KLHL1: variants seen among roughly 807,000 people sequenced by gnomAD.
KLHL1 encodes the protein kelch-like protein 1.
KLHL1 carries 47 observed loss-of-function variants against 77.7 expected under a neutral mutation model. That is an observed-to-expected ratio of 0.60 (90% CI 0.48 to 0.77). The LOEUF (loss-of-function observed/expected upper bound fraction) is 0.77, where lower values mean the gene tolerates loss of function less well. Ranked by LOEUF, KLHL1 falls within the 30% of genes least tolerant of loss-of-function variation. The pLI is 0.00. For missense variants in KLHL1, 925 were observed against 910.8 expected (o/e 1.02, Z -0.20); for synonymous variants, 360 against 325.2 (o/e 1.11, Z -1.15).
At chr13:70,103,698 A>G (rs1333297416) in intron 1 of KLHL1, among the ~76,000 whole-genome samples, 2 of 152,194 alleles carry the variant, frequency 1.3e-5, no homozygotes, top group Non-Finnish European at 2.9e-5. Flanking sequence ...GAAAGAAGAT[A>G]TTGACCAATG....
At position 69,723,703 on chromosome 13, in the gene KLHL1, T is replaced by A. The variant is rs939908201; in HGVS notation, c.1803-4122A>T. Among the ~76,000 whole-genome samples, 5 of 152,068 alleles carry A rather than the reference T, an allele frequency of 3.3e-5. 1 individual carries two copies. The South Asian group carries it at 1.0e-3, about 31-fold the overall frequency. On this transcript the variant is annotated intron_variant, in intron 8 of 10. Transcript: ENST00000377844. ...AGACCTTAAGTCTGATATGAAACAT[T>A]TACAATCTATTCTCTCTGAATGCTG...
intron 3 of KLHL1, among the ~76,000 whole-genome samples, chr13:69,945,090 A>T (rs1386599264): frequency 7.3e-6 from 1 of 136,372 alleles, no homozygotes; most frequent in African/African-American, 2.8e-5. Flanking sequence ...GGTTCAAGTG[A>T]TTCTCCTGCC....
At chr13:70,050,639 T>A (rs902104022) in intron 1 of KLHL1, among the ~76,000 whole-genome samples, 1 of 151,966 alleles carries the variant, frequency 6.6e-6, no homozygotes, top group Non-Finnish European at 1.5e-5. Context: ...TGATTACAAT[T>A]TTTTTATATC....
At chr13:69,889,305 G>A (rs1308535722) in intron 4 of KLHL1, among the ~76,000 whole-genome samples, 1 of 151,864 alleles carries the variant, frequency 6.6e-6, no homozygotes, top group African/African-American at 2.4e-5. Flanking sequence ...CACTACCTTA[G>A]AATTTCAAAG....
At chr13:70,026,761 A>G (rs913648589) in intron 1 of KLHL1, among the ~76,000 whole-genome samples, 2 of 151,732 alleles carry the variant, frequency 1.3e-5, no homozygotes, top group African/African-American at 4.8e-5. Flanking sequence ...AGAGAGAGAG[A>G]GACAGAGAGA....
chr13:69,955,939 T>C (rs1333842648), intron 3 of KLHL1, among the ~76,000 whole-genome samples: 2 of 96,598 alleles, frequency 2.1e-5, no homozygotes, highest in African/African-American at 3.2e-5. Context: ...ATATTTGATA[T>C]ATATTTATAT....
chr13:70,075,557 G>GTGTGTA (rs200021897), intron 1 of KLHL1, among the ~76,000 whole-genome samples: 621 of 16,110 alleles, frequency 0.039, 5 homozygotes, highest in East Asian at 0.088. Context: ...ATATACCTGT[G>GTGTGTA]TGTGTGTATG....
intron 5 of KLHL1, among the ~76,000 whole-genome samples, chr13:69,856,344 CACAA>C (rs1879920007): frequency 1.3e-5 from 2 of 152,036 alleles, no homozygotes; most frequent in South Asian, 4.1e-4. Context: ...CTCTTCATGT[CACAA>C]TGTGGTAATT....
At chr13:69,934,962 G>GTATATATATATATATATATATATATATA (rs67195697) in intron 4 of KLHL1, among the ~76,000 whole-genome samples, 10 of 129,794 alleles carry the variant, frequency 7.7e-5, no homozygotes, top group South Asian at 7.6e-4. Context: ...GTGTGCATGT[G>GTATATATATATATATATATATATATATA]TATATATATA....
At chr13:70,035,750 A>T (rs924108281) in intron 1 of KLHL1, among the ~76,000 whole-genome samples, 3 of 152,006 alleles carry the variant, frequency 2.0e-5, no homozygotes, top group Non-Finnish European at 4.4e-5. Flanking sequence ...CTTTTATGTT[A>T]ACTTTTCATT....
chr13:70,079,963 C>T (rs1887354841), intron 1 of KLHL1, among the ~76,000 whole-genome samples: 1 of 152,184 alleles, frequency 6.6e-6, no homozygotes, highest in East Asian at 1.9e-4. Flanking sequence ...TGCAGGTTCA[C>T]ACCAGGATGT....
chr13:69,760,547 G>T (rs1012862982), intron 7 of KLHL1, among the ~76,000 whole-genome samples: 1 of 151,802 alleles, frequency 6.6e-6, no homozygotes, highest in Non-Finnish European at 1.5e-5. Context: ...TAGAGACAGG[G>T]TTTCATCATA....
intron 5 of KLHL1, among the ~76,000 whole-genome samples, chr13:69,848,131 G>C (rs1190027808): frequency 2.0e-5 from 3 of 151,314 alleles, no homozygotes; most frequent in Non-Finnish European, 4.4e-5. Context: ...AACTGTACAA[G>C]CGAAAACAGA....
At chr13:70,080,579 C>A (rs190419970) in intron 1 of KLHL1, among the ~76,000 whole-genome samples, 1 of 151,960 alleles carries the variant, frequency 6.6e-6, no homozygotes, top group East Asian at 1.9e-4. Flanking sequence ...TATCATTTTA[C>A]TCTATTTATT....
intron 4 of KLHL1, among the ~76,000 whole-genome samples, chr13:69,907,545 T>C (rs1882083202): frequency 6.6e-6 from 1 of 152,068 alleles, no homozygotes; most frequent in African/African-American, 2.4e-5. Flanking sequence ...CTTCGCTAGA[T>C]ATTGAAAGTC....
rs186380552 is a variant in KLHL1 at position 69,955,343 on chromosome 13, G to T, written c.817+5965C>A. Reference sequence around the variant, plus strand: ...AAGCTATCTTAACATTTCTTAGCAGGTACAAAGACTTTAATTAACTTCAGT... The same window carrying T: ...AAGCTATCTTAACATTTCTTAGCAGTTACAAAGACTTTAATTAACTTCAGT... On this transcript the variant is annotated intron_variant, in intron 3 of 10. Coordinates refer to ENST00000377844, the MANE Select transcript of KLHL1 (RefSeq NM_020866.3). Among the ~76,000 whole-genome samples, 6 of 151,322 alleles carry T rather than the reference G, an allele frequency of 4.0e-5. No individual in the cohort carries two copies. The East Asian group carries it at 1.2e-3, about 29-fold the overall frequency.
At chr13:69,734,402 C>T (rs1158170561) in intron 8 of KLHL1, among the ~76,000 whole-genome samples, 1 of 152,030 alleles carries the variant, frequency 6.6e-6, no homozygotes, top group Non-Finnish European at 1.5e-5. Context: ...TCGGGTATTT[C>T]TTTATAGCAA....
At chr13:69,962,117 A>G (rs941170338) in intron 2 of KLHL1, among the ~76,000 whole-genome samples, 5 of 152,022 alleles carry the variant, frequency 3.3e-5, no homozygotes. Flanking sequence ...TAAAATATCT[A>G]TCCCTATATT....
At chr13:69,780,580 C>T (rs1876088660) in intron 7 of KLHL1, among the ~76,000 whole-genome samples, 1 of 149,480 alleles carries the variant, frequency 6.7e-6, no homozygotes, top group South Asian at 2.1e-4. Context: ...TTGTATTATG[C>T]TGATTTTTTT....
Sources: allele counts gnomAD v4.1 joint callset (sites outside exome capture counted in the v4.1 genomes callset), GRCh38; gene constraint gnomAD v4.1.1; transcripts MANE v1.5; gene names NCBI Gene and HGNC (gene_info 2026-07-23, HGNC 2026-07-21).